Variants in ZBBX observed in about 807,000 individuals in gnomAD.
ZBBX encodes zinc finger B-box domain containing.
Under a neutral mutation model 108.5 loss-of-function variants are expected in ZBBX, and 101 were observed. The ratio of observed to expected loss-of-function variants is 0.93; its 90% CI spans 0.79 to 1.10. The LOEUF (loss-of-function observed/expected upper bound fraction) is 1.10. ZBBX is among the 50% of genes least tolerant of loss of function. The probability of loss-of-function intolerance (pLI) is 0.00; values close to 1 mark genes in which losing one functional copy is unlikely to be tolerated. For missense variants in ZBBX, 1,009 were observed against 941.4 expected (o/e 1.07, Z -0.94); for synonymous variants, 356 against 323.4 (o/e 1.10, Z -1.08).
At chr3:167,329,186 G>A (rs1291052990) in intron 10 of ZBBX, among the ~76,000 whole-genome samples, 2 of 152,152 alleles carry the variant, frequency 1.3e-5, no homozygotes, top group Non-Finnish European at 1.5e-5. Context: ...GAAGTATTTG[G>A]AAGCTATGCA....
At chr3:167,183,470 G>A in the ZBBX span, among the ~76,000 whole-genome samples, 1 of 152,208 alleles carries the variant, frequency 6.6e-6, no homozygotes, top group African/African-American at 2.4e-5. Context: ...GGCGCTAGAG[G>A]AATTAAAGAC....
intron 8 of ZBBX, among the ~76,000 whole-genome samples, chr3:167,354,293 T>C (rs957163408): frequency 8.8e-4 from 134 of 151,976 alleles, no homozygotes; most frequent in Non-Finnish European, 4.0e-4. Flanking sequence ...CATACTGTTT[T>C]TACACATCAT....
At chr3:167,239,504 T>C (rs1044187528), downstream of ZBBX, among the ~76,000 whole-genome samples, 2 of 152,202 alleles carry the variant, frequency 1.3e-5, no homozygotes, top group East Asian at 1.9e-4. Context: ...TAATAATCCA[T>C]TTCTACATAA....
chr3:167,286,348 T>C (rs953479118), intron 19 of ZBBX, among the ~76,000 whole-genome samples: 13 of 152,122 alleles, frequency 8.5e-5, no homozygotes, highest in Admixed American at 6.6e-5. Flanking sequence ...TTCTACTTTC[T>C]ATAGGGATCC....
At chr3:167,369,703 G>T (rs1367353983) in intron 4 of ZBBX, among the ~76,000 whole-genome samples, 2 of 152,156 alleles carry the variant, frequency 1.3e-5, no homozygotes, top group Admixed American at 6.5e-5. Context: ...TGCTGTCATT[G>T]GGGAAGTACA....
chr3:167,244,622 A>T (rs1721244998), intron 20 of ZBBX, among the ~76,000 whole-genome samples: 1 of 152,184 alleles, frequency 6.6e-6, no homozygotes, highest in Admixed American at 6.5e-5. Flanking sequence ...GAGAAAAATA[A>T]AACTGCTCAT....
At chr3:167,288,259 C>T (rs552749995) in intron 19 of ZBBX, among the ~76,000 whole-genome samples, 1 of 152,158 alleles carries the variant, frequency 6.6e-6, no homozygotes, top group African/African-American at 2.4e-5. Context: ...ATGTTATATG[C>T]TCTGTATACA....
chr3:167,405,123 A>T (rs945100205), intron 1 of ZBBX, among the ~76,000 whole-genome samples: 3 of 152,206 alleles, frequency 2.0e-5, no homozygotes, highest in Non-Finnish European at 4.4e-5. Context: ...AGGAAAGGCA[A>T]TGAGCTCTCT....
chr3:167,357,034 G>A (rs1743694475), intron 8 of ZBBX, among the ~76,000 whole-genome samples: 1 of 152,118 alleles, frequency 6.6e-6, no homozygotes, highest in Admixed American at 6.6e-5. Context: ...CAATAAAGGT[G>A]TTGAGTAGGT....
At chr3:167,191,848 T>C in the ZBBX span, among the ~76,000 whole-genome samples, 48 of 146,330 alleles carry the variant, frequency 3.3e-4, no homozygotes, top group Middle Eastern at 3.6e-3. Flanking sequence ...TTCCTTTTCA[T>C]TTTAGTGAAT....
intron 17 of ZBBX, among the ~76,000 whole-genome samples, chr3:167,301,208 T>A (rs1446991961): frequency 6.6e-6 from 1 of 152,166 alleles, no homozygotes; most frequent in African/African-American, 2.4e-5. Context: ...TAGTATGCAT[T>A]AACATATAAA....
the ZBBX span, among the ~76,000 whole-genome samples, chr3:167,204,688 G>A: frequency 6.6e-6 from 1 of 150,544 alleles, no homozygotes; most frequent in Non-Finnish European, 1.5e-5. Context: ...TGTGAATAGT[G>A]CCGCAATAAA....
At chr3:167,380,456 C>T (rs181040195), upstream of ZBBX, 7 of 152,310 alleles carry the variant, frequency 4.6e-5, no homozygotes, top group African/African-American at 1.2e-4. Flanking sequence ...GGCGGAAAAA[C>T]TCAACAGGCT....
downstream of ZBBX, among the ~76,000 whole-genome samples, chr3:167,237,734 G>A (rs1241321163): frequency 6.6e-6 from 1 of 151,896 alleles, no homozygotes; most frequent in African/African-American, 2.4e-5. Flanking sequence ...GGAACCTCAT[G>A]TTTAATTTCA....
chr3:167,260,587 C>A (rs1048090885), intron 20 of ZBBX, among the ~76,000 whole-genome samples: 1 of 152,112 alleles, frequency 6.6e-6, no homozygotes, highest in East Asian at 1.9e-4. Context: ...TGTCTTTGAG[C>A]TTCAAATTTC....
At chr3:167,279,351 T>C (rs935137557) in intron 20 of ZBBX, among the ~76,000 whole-genome samples, 47 of 151,852 alleles carry the variant, frequency 3.1e-4, no homozygotes, top group African/African-American at 1.0e-3. Context: ...GAAAACCCCA[T>C]TGTCTCAGCC....
Position 167,242,630 on chromosome 3 carries a change from C to G in ZBBX, c.2268G>C (p.Lys756Asn), listed in dbSNP as rs746504363. 6.2e-7 allele frequency: 1 copy of G among 1,610,108 alleles called. No homozygotes were observed. The highest frequency in any genetic ancestry group is 1.1e-5 in the South Asian group (1 of 90,182). ...VLRSLADTSEKLYSLTSEEFP... is the reference protein window; with the variant it reads ...VLRSLADTSENLYSLTSEEFP... Reference sequence around the variant, plus strand: ...ACTCTTCTGAGGTTAAGCTGTAAAGCTTTTCTGAAGTATCTGAAATATTTT... The same window carrying G: ...ACTCTTCTGAGGTTAAGCTGTAAAGGTTTTCTGAAGTATCTGAAATATTTT... The change falls in exon 21 of 22, where the codon AAG (lysine) becomes AAC (asparagine). Residue 756 changes from lysine (K) to asparagine (N), a missense_variant. Coordinates refer to ENST00000675490, the MANE Select transcript of ZBBX (RefSeq NM_001199201.2).
intron 1 of ZBBX, among the ~76,000 whole-genome samples, chr3:167,394,874 C>T (rs1007246748): frequency 2.0e-5 from 3 of 152,018 alleles, no homozygotes; most frequent in Non-Finnish European, 4.4e-5. Context: ...ATTTCAGGAA[C>T]ACCTGCAATG....
rs201267457 is a variant in ZBBX, at chr3:167,317,538, G to T, written c.1043C>A (p.Thr348Asn). Residue 348 changes from threonine to asparagine, a missense_variant, in exon 13 of 22, where the codon ACC becomes AAC. By Grantham distance (65) the Thr-to-Asn change is moderately conservative. Coordinates refer to ENST00000675490, the MANE Select transcript of ZBBX (RefSeq NM_001199201.2). ...TTGAGAACACTGTGCATCACCAGTGGTTTCATGTGGATGTGGGAACGTATC... is the reference window on the plus strand; with the variant it reads ...TTGAGAACACTGTGCATCACCAGTGTTTTCATGTGGATGTGGGAACGTATC... ...LPDTFPHPHE[T>N]TGDAQCSQNE... 40 of 1,610,820 alleles carry T rather than the reference G, an allele frequency of 2.5e-5. No individual in the cohort carries two copies. In the African/African-American group the frequency reaches 5.1e-4, roughly 20 times the overall value.
Sources: gnomAD v4.1 joint callset for allele counts (sites outside exome capture counted in the v4.1 genomes callset) on GRCh38, gnomAD v4.1.1 for gene constraint, MANE v1.5 for transcripts, NCBI Gene and HGNC (gene_info 2026-07-23, HGNC 2026-07-21) for gene names.